The following TTC3 variants were observed in gnomAD, a reference collection of about 807,000 sequenced individuals.
TTC3 encodes tetratricopeptide repeat domain 3, also known as E3 ubiquitin-protein ligase TTC3.
A neutral mutation model predicts 249.6 loss-of-function variants in TTC3; 180 were observed. The observed-to-expected ratio is 0.72, with a 90% CI of 0.64 to 0.82. TTC3 has a LOEUF of 0.82. Among genes scored for constraint, TTC3 ranks in the 40% least tolerant of loss-of-function variants. TTC3 has a pLI of 0.00. For synonymous variants in TTC3, 717 were observed against 805.0 expected, an observed-to-expected ratio of 0.89 and a Z score of 1.85; for missense variants, 2,061 against 2,398.4, an observed-to-expected ratio of 0.86 and a Z score of 2.94.
At chr21:37,104,662 T>C (rs1164666138) in intron 10 of TTC3, among the ~76,000 whole-genome samples, 1 of 151,700 alleles carries the variant, frequency 6.6e-6, no homozygotes, top group Non-Finnish European at 1.5e-5. Context: ...GGTAGTGAGT[T>C]ATATGGGTCT....
chr21:37,130,543 T>G (rs2077389056), intron 16 of TTC3, among the ~76,000 whole-genome samples: 1 of 152,182 alleles, frequency 6.6e-6, no homozygotes, highest in Non-Finnish European at 1.5e-5. Context: ...AAATCTTCAG[T>G]GTACTTTAGT....
intron 11 of TTC3, among the ~76,000 whole-genome samples, chr21:37,109,986 C>G (rs1400075463): frequency 6.6e-6 from 1 of 152,174 alleles, no homozygotes; most frequent in African/African-American, 2.4e-5. Flanking sequence ...TCCAACAGAC[C>G]TGCAGCTGAG....
intron 10 of TTC3, among the ~76,000 whole-genome samples, chr21:37,102,170 T>C (rs560274517): frequency 2.0e-5 from 3 of 152,302 alleles, no homozygotes; most frequent in East Asian, 3.9e-4. Context: ...TTAAAATGTA[T>C]GTTTATTCAG....
Position 37,182,764 on chromosome 21 carries a change from A to T in TTC3, c.4618-10A>T. ...TGCCATTTATTTAAGTACTTTCTAA[A>T]TGTTTTTAGATCTCAAAGACGGAAT... On this transcript the variant is annotated splice_polypyrimidine_tract_variant and intron_variant, in intron 35 of 45. Coordinates refer to ENST00000355666, the Ensembl canonical transcript of TTC3. 2 of 1,573,612 alleles carry T rather than the reference A, an allele frequency of 1.3e-6. No homozygotes were observed.
chr21:37,136,065 A>G (rs912971942), intron 18 of TTC3, among the ~76,000 whole-genome samples: 1 of 152,122 alleles, frequency 6.6e-6, no homozygotes, highest in East Asian at 1.9e-4. Flanking sequence ...GGGCACTACA[A>G]TCTGTGCCTA....
At chr21:37,090,114 G>T in intron 5 of TTC3, 119 bp from the exon 6 acceptor site, 1 of 604,730 alleles carries the variant, frequency 1.7e-6, no homozygotes, top group Non-Finnish European at 2.8e-6. Context: ...AATGCTTGTC[G>T]GAAGTGTACT....
At chr21:37,095,137 A>ATGTGTGTGTGTGTGTGTGTG (rs57682889) in intron 8 of TTC3, among the ~76,000 whole-genome samples, 4,257 of 147,390 alleles carry the variant, frequency 0.029, 96 homozygotes, top group East Asian at 0.061. Flanking sequence ...CTCTAAAAAT[A>ATGTGTGTGTGTGTGTGTGTG]TGTGTGTGTG....
chr21:37,158,666 A>G (rs768868951), intron 28 of TTC3, among the ~76,000 whole-genome samples: 12 of 152,124 alleles, frequency 7.9e-5, no homozygotes, highest in Non-Finnish European at 1.6e-4. Context: ...TTAAAGCAGT[A>G]TGACTGAACC....
At chr21:37,092,720 T>C (rs540721903) in intron 7 of TTC3, among the ~76,000 whole-genome samples, 1 of 152,188 alleles carries the variant, frequency 6.6e-6, no homozygotes, top group Non-Finnish European at 1.5e-5. Context: ...GGTCCTTTAT[T>C]GAATCTTAAA....
intron 40 of TTC3, 78 bp downstream of exon 40, chr21:37,191,502 A>G (rs2084095047): frequency 2.3e-6 from 2 of 858,324 alleles, no homozygotes; most frequent in African/African-American, 1.8e-5. Flanking sequence ...GTCATATTGA[A>G]TCTATTTCTT....
intron 28 of TTC3, chr21:37,157,253 T>TTA: frequency 8.4e-7 from 1 of 1,187,998 alleles, no homozygotes; most frequent in Non-Finnish European, 1.1e-6. Context: ...AAAACATTGG[T>TTA]CTGCAGAAGT....
chr21:37,193,995 G>C (rs2084541909), intron 41 of TTC3: 1 of 152,242 alleles, frequency 6.6e-6, no homozygotes, highest in Non-Finnish European at 1.5e-5. Flanking sequence ...TAGAGTTCCA[G>C]ATGGAACACA....
At chr21:37,091,849 G>C (rs1304570947) in intron 7 of TTC3, among the ~76,000 whole-genome samples, 2 of 152,170 alleles carry the variant, frequency 1.3e-5, no homozygotes, top group African/African-American at 4.8e-5. Context: ...CCAAAGTGCT[G>C]GGATTACAGG....
chr21:37,150,253 C>A, intron 24 of TTC3, 83 bp downstream of exon 24: 2 of 977,568 alleles, frequency 2.0e-6, no homozygotes, highest in South Asian at 2.9e-5. Context: ...TTGTAGATAT[C>A]ATGTAATTTG....
intron 45 of TTC3, among the ~76,000 whole-genome samples, 194 bp downstream of exon 45, chr21:37,200,518 C>G (rs2275967): frequency 1.3e-5 from 2 of 152,148 alleles, no homozygotes; most frequent in African/African-American, 2.4e-5. Context: ...CTCTGGAGAC[C>G]GTCCTTTCCA....
At chr21:37,128,934 A>G (rs774257858) in intron 15 of TTC3, 69 bp from the exon 16 acceptor site, 10 of 1,201,890 alleles carry the variant, frequency 8.3e-6, no homozygotes, top group Admixed American at 2.7e-5. Flanking sequence ...TATTTTAAAA[A>G]TAGTTTTACT....
chr21:37,116,621 C>A (rs1457377655), intron 11 of TTC3, among the ~76,000 whole-genome samples: 2 of 116,220 alleles, frequency 1.7e-5, no homozygotes, highest in Non-Finnish European at 4.1e-5. Flanking sequence ...ACCAGCCTGG[C>A]CAACATGTGA....
intron 8 of TTC3, 56 bp downstream of exon 8, chr21:37,094,146 A>C: frequency 9.8e-7 from 1 of 1,019,450 alleles, no homozygotes; most frequent in Non-Finnish European, 1.4e-6. Context: ...ACTTTTTAAC[A>C]CTCAGAGGAA....
intron 31 of TTC3, among the ~76,000 whole-genome samples, chr21:37,162,519 CTG>C (rs2080854104): frequency 6.6e-6 from 1 of 152,142 alleles, no homozygotes; most frequent in Non-Finnish European, 1.5e-5. Flanking sequence ...GTTGTCAAAA[CTG>C]AGTTTTCAAT....
Sources: allele counts gnomAD v4.1 joint callset (sites outside exome capture counted in the v4.1 genomes callset), GRCh38; gene constraint gnomAD v4.1.1; transcripts MANE v1.5; gene names NCBI Gene and HGNC (gene_info 2026-07-23, HGNC 2026-07-21).